Variants in CLIP4 observed in about 807,000 individuals in gnomAD.
The protein encoded by CLIP4 is CAP-Gly domain containing linker protein family member 4.
Under a neutral mutation model 73.1 loss-of-function variants are expected in CLIP4, and 47 were observed. The ratio of observed to expected loss-of-function variants is 0.64; its 90% CI spans 0.51 to 0.82. The LOEUF is 0.82. Ranked by LOEUF, CLIP4 falls within the 40% of genes least tolerant of loss-of-function variation. The probability of loss-of-function intolerance (pLI) is 0.00; values close to 1 mark genes in which losing one functional copy is unlikely to be tolerated. For synonymous variants in CLIP4, 306 were observed against 295.4 expected (o/e 1.04, Z -0.37); for missense variants, 874 against 852.9 (o/e 1.02, Z -0.31).
chr2:29,167,492 G>A lies in CLIP4; in HGVS notation c.1675G>A (p.Asp559Asn), dbSNP rs371931731. ...SRVQRVTDSL[D>N]TLSEISSNKQ... ...TATTCATAGAGTAACAGATTCCCTGGATACCCTTTCAGAAATTTCTTCAAA... is the reference window on the plus strand; with the variant it reads ...TATTCATAGAGTAACAGATTCCCTGAATACCCTTTCAGAAATTTCTTCAAA... Residue 559 changes from aspartate (D) to asparagine (N), a missense_variant, in exon 14 of 16, where the codon GAT (aspartate) becomes AAT (asparagine). Transcript: ENST00000320081. 1 of 1,608,136 alleles carries A rather than the reference G, an allele frequency of 6.2e-7. No individual in the cohort carries two copies. The highest frequency in any genetic ancestry group is 1.3e-5 in the African/African-American group (1 of 74,588).
Position 29,135,428 on chromosome 2 carries a change from G to A in CLIP4, c.530-120G>A, listed in dbSNP as rs1173909229. The A allele has an allele frequency of 2.1e-5, 12 of 559,718 alleles. No individual in the cohort carries two copies. In the Middle Eastern group the frequency reaches 1.5e-3, roughly 71 times the overall value. 34.7% of individuals were successfully genotyped at this position (559,718 alleles called of 1,614,324 possible). A position where few individuals can be genotyped will look rare whatever the true frequency, so the allele number is the denominator to read the frequency against. On this transcript the variant is annotated intron_variant, in intron 5 of 15. Transcript: ENST00000320081. Reference sequence around the variant, plus strand: ...GTTCTGTTGTGAAATCATGCCTCTAGTGGGTTGATTTAAGTCTTACAAATG... The same window carrying A: ...GTTCTGTTGTGAAATCATGCCTCTAATGGGTTGATTTAAGTCTTACAAATG...
chr2:29,129,686 C>G (rs1045734078), intron 2 of CLIP4, among the ~76,000 whole-genome samples: 1 of 151,868 alleles, frequency 6.6e-6, no homozygotes, highest in South Asian at 2.1e-4. Context: ...ATTTTTGAGT[C>G]ATTTTGTGTT....
chr2:29,151,706 C>T (rs1222261986), intron 8 of CLIP4, among the ~76,000 whole-genome samples: 1 of 152,054 alleles, frequency 6.6e-6, no homozygotes, highest in Non-Finnish European at 1.5e-5. Flanking sequence ...TGATATATTC[C>T]ATTTTAGTCA....
intron 2 of CLIP4, among the ~76,000 whole-genome samples, chr2:29,128,185 G>A (rs1261816717): frequency 4.5e-5 from 5 of 110,146 alleles, no homozygotes; most frequent in Admixed American, 1.7e-4. Context: ...TTTAATGTCT[G>A]TGTTTTTTTT....
At chr2:29,174,586 T>C in intron 15 of CLIP4, 141 bp downstream of exon 15, 1 of 1,383,434 alleles carries the variant, frequency 7.2e-7, no homozygotes, top group African/African-American at 1.5e-5. Flanking sequence ...GATAAGTGTA[T>C]TGAGAAGCGT....
intron 4 of CLIP4, chr2:29,132,447 C>T: frequency 1.9e-6 from 1 of 535,676 alleles, no homozygotes; most frequent in South Asian, 2.7e-5. Flanking sequence ...CCTGATACCT[C>T]TTAACTTTTC....
intron 1 of CLIP4, among the ~76,000 whole-genome samples, chr2:29,119,404 G>A (rs866002003): frequency 2.0e-5 from 3 of 151,562 alleles, no homozygotes; most frequent in Non-Finnish European, 4.4e-5. Context: ...TTTTTTTTTT[G>A]AATGGGAGAC....
intron 14 of CLIP4, 106 bp from the exon 15 acceptor site, chr2:29,174,267 A>G (rs1487894911): frequency 1.0e-6 from 1 of 1,003,942 alleles, no homozygotes; most frequent in East Asian, 2.5e-5. Context: ...TTTGAAAGAA[A>G]CATTTAATAT....
upstream of CLIP4, among the ~76,000 whole-genome samples, chr2:29,110,607 G>C (rs895160289): frequency 3.3e-5 from 5 of 152,180 alleles, no homozygotes. Flanking sequence ...AATGGATGTT[G>C]AGTAGGCAGT....
chr2:29,153,791 T>G (rs945625381), intron 9 of CLIP4, among the ~76,000 whole-genome samples: 1 of 152,224 alleles, frequency 6.6e-6, no homozygotes, highest in African/African-American at 2.4e-5. Flanking sequence ...AATATCCCTG[T>G]GTCAATACTG....
intron 8 of CLIP4, 149 bp from the exon 9 acceptor site, chr2:29,152,536 G>C: frequency 2.9e-6 from 2 of 692,352 alleles, no homozygotes; most frequent in Non-Finnish European, 4.7e-6. Flanking sequence ...GGTAAGTACT[G>C]TGTCTTACAT....
intron 14 of CLIP4, among the ~76,000 whole-genome samples, chr2:29,168,233 C>T (rs1182180835): frequency 6.6e-6 from 1 of 152,090 alleles, no homozygotes; most frequent in Non-Finnish European, 1.5e-5. Context: ...TGAGGATGAA[C>T]CTGTTTTCAT....
At position 29,131,499 on chromosome 2, in the gene CLIP4, T is replaced by G. The variant is rs1188535201; in HGVS notation, c.273+102T>G. ...AAGATGGTAATAAAGGAGAAACCCT[T>G]TAAAAGTTCTGATATTTATTTGTAT... On this transcript the variant is annotated intron_variant, in intron 3 of 15. Coordinates refer to ENST00000320081, the MANE Select transcript of CLIP4 (RefSeq NM_024692.6). 7 of 1,227,836 alleles carry G rather than the reference T, an allele frequency of 5.7e-6. No homozygotes were observed. The East Asian group carries it at 1.7e-4, about 30-fold the overall frequency. 76.1% of individuals were successfully genotyped at this position (1,227,836 alleles called of 1,614,324 possible).
chr2:29,135,331 C>T (rs1403280679), intron 5 of CLIP4, among the ~76,000 whole-genome samples: 8 of 152,106 alleles, frequency 5.3e-5, no homozygotes, highest in Admixed American at 5.2e-4. Flanking sequence ...TAATATCACT[C>T]CATCTTATAA....
In CLIP4 at chr2:29,115,635, C is replaced by G. The variant is rs1182284557; in HGVS notation, c.-46C>G. ...TCCTCCGCGCCCCCGCGTCCCCAGCCGGCCGCTCCGAGAGGACCCGGAGGA... is the reference window on the plus strand; with the variant it reads ...TCCTCCGCGCCCCCGCGTCCCCAGCGGGCCGCTCCGAGAGGACCCGGAGGA... On this transcript the variant is annotated 5_prime_UTR_variant, in exon 1 of 16. Coordinates refer to ENST00000320081, the MANE Select transcript of CLIP4 (RefSeq NM_024692.6). The surrounding 1 kb of genome is among the most constrained non-coding windows in gnomAD (Gnocchi z 5.1). 1 of 147,480 alleles carries G rather than the reference C, an allele frequency of 6.8e-6. No homozygotes were observed. Among genetic ancestry groups the G allele is most frequent in the Non-Finnish European group, 1.5e-5 (1 of 66,166 alleles). The allele number at this position is 147,480 out of a possible 1,614,324, so 9.1% of individuals were successfully genotyped here.
At chr2:29,112,763 G>A (rs368636747), upstream of CLIP4, among the ~76,000 whole-genome samples, 2 of 152,330 alleles carry the variant, frequency 1.3e-5, no homozygotes, top group Non-Finnish European at 2.9e-5. Context: ...CTCCAATCTG[G>A]TGCCCCAATT....
intron 8 of CLIP4, among the ~76,000 whole-genome samples, chr2:29,150,381 C>T (rs771557941): frequency 2.0e-5 from 3 of 152,140 alleles, no homozygotes; most frequent in Non-Finnish European, 2.9e-5. Context: ...GTGACTGTTT[C>T]CTGATCTAGG....
At chr2:29,159,526 A>G (rs1190229696) in intron 11 of CLIP4, among the ~76,000 whole-genome samples, 2 of 152,068 alleles carry the variant, frequency 1.3e-5, no homozygotes, top group Non-Finnish European at 2.9e-5. Context: ...GGATAATTAG[A>G]ACCGTATAGC....
chr2:29,146,098 G>A (rs1666146685), intron 8 of CLIP4, among the ~76,000 whole-genome samples: 1 of 152,192 alleles, frequency 6.6e-6, no homozygotes, highest in Non-Finnish European at 1.5e-5. Flanking sequence ...TGTCTTTCTT[G>A]GGACTGGTCT....
Sources: allele counts gnomAD v4.1 joint callset (sites outside exome capture counted in the v4.1 genomes callset), GRCh38; gene constraint gnomAD v4.1.1; non-coding constraint Gnocchi (gnomAD v3.1); transcripts MANE v1.5; gene names NCBI Gene and HGNC (gene_info 2026-07-23, HGNC 2026-07-21).